Variants in SLC25A21 observed in about 807,000 individuals in gnomAD.
SLC25A21 encodes the protein mitochondrial 2-oxodicarboxylate carrier.
SLC25A21 carries 47 observed loss-of-function variants against 43.8 expected under a neutral mutation model. The observed-to-expected ratio is 1.07, with a 90% CI of 0.85 to 1.37. The LOEUF is 1.37. Ranked by LOEUF, SLC25A21 falls within the 40% of genes most tolerant of loss-of-function variation. The pLI, the probability that SLC25A21 is intolerant of heterozygous loss-of-function variation, is 0.00. For missense variants in SLC25A21, 352 were observed against 350.2 expected (o/e 1.00, Z -0.04); for synonymous variants, 131 against 121.3 (o/e 1.08, Z -0.52).
At chr14:36,789,930 TTA>T (rs936184007) in intron 3 of SLC25A21, among the ~76,000 whole-genome samples, 5 of 124,150 alleles carry the variant, frequency 4.0e-5, no homozygotes, top group African/African-American at 1.3e-4. Flanking sequence ...TATTTATATA[TTA>T]TATATAAATA....
At chr14:37,007,893 T>A (rs1960642619) in intron 1 of SLC25A21, among the ~76,000 whole-genome samples, 1 of 152,128 alleles carries the variant, frequency 6.6e-6, no homozygotes. Context: ...CCACTTAAAC[T>A]TTCAACATCA....
intron 1 of SLC25A21, among the ~76,000 whole-genome samples, chr14:37,111,781 A>C (rs924356283): frequency 1.3e-5 from 2 of 152,190 alleles, no homozygotes; most frequent in African/African-American, 4.8e-5. Context: ...AATCCAACCT[A>C]AAACAAAATT....
At chr14:36,810,114 T>C (rs921351464) in intron 3 of SLC25A21, among the ~76,000 whole-genome samples, 4 of 152,178 alleles carry the variant, frequency 2.6e-5, no homozygotes, top group African/African-American at 9.6e-5. Flanking sequence ...AATATTTCCA[T>C]CTCTAAGACT....
rs533516811 is a variant in SLC25A21 at position 37,139,225 on chromosome 14, G to A, written c.70+33056C>T. Among the ~76,000 whole-genome samples the A allele has an allele frequency of 3.9e-5, 6 of 152,052 alleles. No homozygotes were observed. The South Asian group carries it at 1.2e-3, about 32-fold the overall frequency. On this transcript the variant is annotated intron_variant, in intron 1 of 9. Coordinates refer to ENST00000331299, the MANE Select transcript of SLC25A21 (RefSeq NM_030631.4). ...AAACATCTGTCTCCAATATATCACT[G>A]GGGATTTAAATCAAAAGTCTGCTAA...
chr14:37,094,559 T>C (rs2138855237), intron 1 of SLC25A21, among the ~76,000 whole-genome samples: 1 of 152,238 alleles, frequency 6.6e-6, no homozygotes, highest in Admixed American at 6.5e-5. Flanking sequence ...CTAGGACAAA[T>C]TGTGCAGCAA....
At chr14:36,907,779 G>T (rs1475482456) in intron 1 of SLC25A21, among the ~76,000 whole-genome samples, 1 of 152,102 alleles carries the variant, frequency 6.6e-6, no homozygotes, top group Non-Finnish European at 1.5e-5. Flanking sequence ...TGTGTGAAGG[G>T]TAAGTTATTT....
chr14:36,956,031 C>A (rs1300386903), intron 1 of SLC25A21, among the ~76,000 whole-genome samples: 1 of 152,078 alleles, frequency 6.6e-6, no homozygotes, highest in African/African-American at 2.4e-5. Flanking sequence ...ATCTGATGTG[C>A]ATTCTTTCAG....
At chr14:37,137,086 C>T (rs974295420) in intron 1 of SLC25A21, among the ~76,000 whole-genome samples, 7 of 152,132 alleles carry the variant, frequency 4.6e-5, no homozygotes, top group South Asian at 2.1e-4. Flanking sequence ...CTGCAAGCTC[C>T]GCCTTCCGGG....
At chr14:36,843,053 GA>G (rs1268401592) in intron 2 of SLC25A21, among the ~76,000 whole-genome samples, 32 of 152,198 alleles carry the variant, frequency 2.1e-4, no homozygotes, top group African/African-American at 6.8e-4. Flanking sequence ...ATGCTCCTAT[GA>G]GAATATAATG....
intron 1 of SLC25A21, among the ~76,000 whole-genome samples, chr14:36,880,393 T>C (rs1890680106): frequency 6.6e-6 from 1 of 152,178 alleles, no homozygotes; most frequent in Non-Finnish European, 1.5e-5. Flanking sequence ...ACTACTGCGA[T>C]TTGGGTTTTC....
At chr14:36,998,295 T>C (rs10134773) in intron 1 of SLC25A21, among the ~76,000 whole-genome samples, 9,968 of 152,176 alleles carry the variant, frequency 0.066, 843 homozygotes, top group East Asian at 0.24. Context: ...TCATGGATTG[T>C]CTCTCAAATT....
At chr14:36,984,932 T>G (rs1252814706) in intron 1 of SLC25A21, among the ~76,000 whole-genome samples, 1 of 150,910 alleles carries the variant, frequency 6.6e-6, no homozygotes, top group Non-Finnish European at 1.5e-5. Flanking sequence ...AACCCAAATG[T>G]CCAACAATGA....
chr14:36,807,943 G>A (rs868108207), intron 3 of SLC25A21, among the ~76,000 whole-genome samples: 13 of 152,046 alleles, frequency 8.6e-5, no homozygotes, highest in African/African-American at 2.4e-4. Context: ...AATTATGCTC[G>A]AGCTCATAAA....
chr14:36,760,721 T>C (rs1886121834), intron 3 of SLC25A21, among the ~76,000 whole-genome samples: 1 of 152,194 alleles, frequency 6.6e-6, no homozygotes, highest in African/African-American at 2.4e-5. Flanking sequence ...TCTAACTCCG[T>C]CACTCATGTC....
Position 36,678,777 on chromosome 14 carries a change from A to G in SLC25A21, c.*1881T>C. On this transcript the variant is annotated 3_prime_UTR_variant, in exon 10 of 10. Coordinates refer to ENST00000331299, the MANE Select transcript of SLC25A21 (RefSeq NM_030631.4). Reference sequence around the variant, plus strand: ...CTGGTTCTTGTATTTTAAAAAATCTAATATTAATGGTATTGAAGTTTCCTT... The same window carrying G: ...CTGGTTCTTGTATTTTAAAAAATCTGATATTAATGGTATTGAAGTTTCCTT... The G allele has an allele frequency of 3.8e-6, 4 of 1,064,022 alleles. No individual in the cohort carries two copies. The highest frequency in any genetic ancestry group is 4.6e-6 in the Non-Finnish European group (4 of 870,660). The allele number at this position is 1,064,022 out of a possible 1,614,324, so 65.9% of individuals were successfully genotyped here. A position where few individuals can be genotyped will look rare whatever the true frequency, so the allele number is the denominator to read the frequency against.
chr14:37,069,173 T>A (rs1368987331), intron 1 of SLC25A21, among the ~76,000 whole-genome samples: 1 of 151,104 alleles, frequency 6.6e-6, no homozygotes, highest in Non-Finnish European at 1.5e-5. Context: ...TGAGACTCCA[T>A]CTCAAAGAAA....
chr14:36,697,931 T>C (rs1017686763), intron 7 of SLC25A21, among the ~76,000 whole-genome samples: 1 of 152,178 alleles, frequency 6.6e-6, no homozygotes, highest in African/African-American at 2.4e-5. Context: ...TTAATATTGT[T>C]ATATGTGAAT....
chr14:36,931,573 C>T (rs1035478309), intron 1 of SLC25A21, among the ~76,000 whole-genome samples: 8 of 152,060 alleles, frequency 5.3e-5, no homozygotes, highest in Non-Finnish European at 1.0e-4. Flanking sequence ...ATTATATTTT[C>T]TTGTGTAGAC....
In SLC25A21 at chr14:36,679,882, G is replaced by C. The variant is rs1022366358; in HGVS notation, c.*776C>G. The stretch of plus-strand genomic sequence containing the variant: ...TTCAAAGAGAACTATGTGGAGGAAA[G>C]TAAATTTTATTTCATGTTTCCTACT... On this transcript the variant is annotated 3_prime_UTR_variant, in exon 10 of 10. Transcript: ENST00000331299. 157 of 975,492 alleles carry C rather than the reference G, an allele frequency of 1.6e-4. No individual in the cohort carries two copies. The highest frequency in any genetic ancestry group is 1.9e-4 in the Non-Finnish European group (155 of 821,168). The allele number at this position is 975,492 out of a possible 1,614,324, so 60.4% of individuals were successfully genotyped here.
Sources: gnomAD v4.1 joint callset for allele counts (sites outside exome capture counted in the v4.1 genomes callset) on GRCh38, gnomAD v4.1.1 for gene constraint, MANE v1.5 for transcripts, NCBI Gene and HGNC (gene_info 2026-07-23, HGNC 2026-07-21) for gene names.